Variants in GPM6A observed in about 807,000 individuals in gnomAD.
GPM6A encodes the protein neuronal membrane glycoprotein M6-a.
GPM6A carries 7 observed loss-of-function variants against 32.1 expected under a neutral mutation model. That is an observed-to-expected ratio of 0.22 (90% confidence interval 0.12 to 0.41). The LOEUF is 0.41. Ranked by LOEUF, GPM6A falls within the 10% of genes least tolerant of loss-of-function variation. GPM6A has a pLI of 1.00. For missense variants in GPM6A, 235 were observed against 347.2 expected (o/e 0.68, Z 2.57); for synonymous variants, 130 against 123.4 (o/e 1.05, Z -0.35).
intron 1 of GPM6A, among the ~76,000 whole-genome samples, chr4:175,754,557 C>A (rs1170451817): frequency 2.0e-5 from 3 of 151,978 alleles, no homozygotes; most frequent in Non-Finnish European, 4.4e-5. Context: ...AATAGTAATC[C>A]CAAAATGCTC....
At chr4:175,666,292 A>G (rs979482258) in intron 3 of GPM6A, among the ~76,000 whole-genome samples, 22 of 152,166 alleles carry the variant, frequency 1.4e-4, no homozygotes, top group African/African-American at 5.3e-4. Flanking sequence ...TGAACATTTA[A>G]CTTTAATACC....
At chr4:175,708,225 AGGTGGG>A (rs1745316904) in intron 1 of GPM6A, among the ~76,000 whole-genome samples, 1 of 152,144 alleles carries the variant, frequency 6.6e-6, no homozygotes, top group African/African-American at 2.4e-5. Flanking sequence ...CTAAACAAAG[AGGTGGG>A]GTAAGGAGTA....
intron 1 of GPM6A, among the ~76,000 whole-genome samples, chr4:175,987,841 A>G (rs1273709106): frequency 6.6e-6 from 1 of 152,160 alleles, no homozygotes; most frequent in African/African-American, 2.4e-5. Context: ...TGAATGATAT[A>G]AAATTTTATT....
chr4:175,710,896 C>T (rs949069480), intron 1 of GPM6A, among the ~76,000 whole-genome samples: 5 of 152,156 alleles, frequency 3.3e-5, no homozygotes, highest in African/African-American at 1.2e-4. Flanking sequence ...CCTCCAGTCT[C>T]AGGCTGAACT....
intron 1 of GPM6A, among the ~76,000 whole-genome samples, chr4:175,735,554 T>C (rs1731622420): frequency 6.6e-6 from 1 of 151,968 alleles, no homozygotes; most frequent in South Asian, 2.1e-4. Flanking sequence ...ATTAGAACTA[T>C]TTATGAATCT....
chr4:175,732,782 T>C (rs573194368), intron 1 of GPM6A, among the ~76,000 whole-genome samples: 2 of 152,344 alleles, frequency 1.3e-5, no homozygotes, highest in South Asian at 4.1e-4. Flanking sequence ...AAATTTTCAT[T>C]TACCTCAGAG....
At chr4:175,940,639 C>T (rs1739376563) in intron 1 of GPM6A, among the ~76,000 whole-genome samples, 1 of 152,108 alleles carries the variant, frequency 6.6e-6, no homozygotes, top group African/African-American at 2.4e-5. Context: ...TGGAGTGTCA[C>T]TCTGTCGCCC....
intron 1 of GPM6A, among the ~76,000 whole-genome samples, chr4:175,977,897 C>T (rs532538372): frequency 1.3e-5 from 2 of 152,338 alleles, no homozygotes; most frequent in South Asian, 4.1e-4. Context: ...TTCCTAAACA[C>T]TTCTGCTCAG....
Position 175,926,787 on chromosome 4 carries a change from A to C in GPM6A, c.-23+75522T>G, listed in dbSNP as rs577917059. Among the ~76,000 whole-genome samples, 3 of 152,310 alleles carry C rather than the reference A, an allele frequency of 2.0e-5. No homozygotes were observed. The East Asian group carries it at 5.8e-4, about 29-fold the overall frequency. On this transcript the variant is annotated intron_variant, in intron 1 of 7. Coordinates refer to the GPM6A transcript ENST00000280187. ...TGACAATTCAAAAACATTATTTTTC[A>C]TAGGGAAATGCAAATTGAAAGAGTA... is the stretch of plus-strand genomic sequence containing the variant.
chr4:175,791,805 C>G (rs1254899367), intron 1 of GPM6A, among the ~76,000 whole-genome samples: 2 of 152,038 alleles, frequency 1.3e-5, no homozygotes, highest in Non-Finnish European at 2.9e-5. Context: ...GTAACATGAG[C>G]AAACTAGTTT....
At chr4:175,876,624 A>T (rs1737092177) in intron 1 of GPM6A, among the ~76,000 whole-genome samples, 1 of 152,152 alleles carries the variant, frequency 6.6e-6, no homozygotes, top group Admixed American at 6.6e-5. Context: ...ATGCCACCTA[A>T]GAAGATCACA....
chr4:175,683,799 G>A (rs1026027660), intron 2 of GPM6A, among the ~76,000 whole-genome samples: 2 of 151,768 alleles, frequency 1.3e-5, no homozygotes, highest in African/African-American at 2.4e-5. Flanking sequence ...TCTATAGTGT[G>A]CAGAAACATA....
intron 1 of GPM6A, among the ~76,000 whole-genome samples, chr4:175,902,687 A>G (rs1560986636): frequency 6.6e-6 from 1 of 151,978 alleles, no homozygotes; most frequent in African/African-American, 2.4e-5. Context: ...CCTCAAGCTC[A>G]TCTATAAAAC....
intron 1 of GPM6A, among the ~76,000 whole-genome samples, chr4:175,861,111 G>A (rs908800411): frequency 3.4e-4 from 51 of 151,874 alleles, no homozygotes; most frequent in African/African-American, 1.2e-3. Flanking sequence ...TATAAAACAG[G>A]AATATAATGG....
At chr4:175,761,782 C>A (rs565027776) in intron 1 of GPM6A, among the ~76,000 whole-genome samples, 2 of 149,172 alleles carry the variant, frequency 1.3e-5, no homozygotes, top group Admixed American at 1.4e-4. Flanking sequence ...CAGTTTCTCA[C>A]CAGCCAAATA....
intron 1 of GPM6A, among the ~76,000 whole-genome samples, chr4:175,748,164 G>A (rs1732182659): frequency 6.6e-6 from 1 of 151,966 alleles, no homozygotes; most frequent in Non-Finnish European, 1.5e-5. Context: ...AGTCACCCAC[G>A]AGGGTTGGAA....
chr4:175,977,377 G>T (rs529896854), intron 1 of GPM6A, among the ~76,000 whole-genome samples: 1 of 152,020 alleles, frequency 6.6e-6, no homozygotes, highest in Non-Finnish European at 1.5e-5. Flanking sequence ...TACAAAAAAT[G>T]AACAACTTTT....
intron 1 of GPM6A, among the ~76,000 whole-genome samples, chr4:175,713,241 C>T (rs753071849): frequency 2.0e-5 from 3 of 152,064 alleles, no homozygotes; most frequent in East Asian, 1.9e-4. Context: ...CTCACTCTGT[C>T]GCCCAGGCCG....
intron 1 of GPM6A, among the ~76,000 whole-genome samples, chr4:175,749,116 T>A (rs528382778): frequency 2.5e-3 from 387 of 152,268 alleles, no homozygotes; most frequent in African/African-American, 8.7e-3. Context: ...CAACTTTTAT[T>A]AACTATGCTG....
Sources: gnomAD v4.1 joint callset for allele counts (sites outside exome capture counted in the v4.1 genomes callset) on GRCh38, gnomAD v4.1.1 for gene constraint, MANE v1.5 for transcripts, NCBI Gene and HGNC (gene_info 2026-07-23, HGNC 2026-07-21) for gene names.